The following CDC42SE2 variants were observed in gnomAD, a reference collection of about 807,000 sequenced individuals.
The protein encoded by CDC42SE2 is CDC42 small effector protein 2.
A neutral mutation model predicts 11.5 loss-of-function variants in CDC42SE2; 3 were observed. The observed-to-expected ratio is 0.26, with a 90% CI of 0.12 to 0.67. CDC42SE2 has a LOEUF of 0.67. CDC42SE2 is among the 30% of genes least tolerant of loss of function. The pLI is 0.80. For synonymous variants in CDC42SE2, 33 were observed against 34.8 expected, an observed-to-expected ratio of 0.95 and a Z score of 0.18; for missense variants, 82 against 106.8, an observed-to-expected ratio of 0.77 and a Z score of 1.02.
intron 2 of CDC42SE2, among the ~76,000 whole-genome samples, chr5:131,344,740 G>A (rs1758798475): frequency 6.6e-6 from 1 of 152,222 alleles, no homozygotes; most frequent in African/African-American, 2.4e-5. Flanking sequence ...CTAACTGGGA[G>A]ACACATCCCA....
chr5:131,364,092 C>T (rs975788823), intron 3 of CDC42SE2, among the ~76,000 whole-genome samples: 1 of 152,120 alleles, frequency 6.6e-6, no homozygotes, highest in Non-Finnish European at 1.5e-5. Context: ...GGTGAGATAA[C>T]AGTGAATACA....
intron 2 of CDC42SE2, among the ~76,000 whole-genome samples, chr5:131,337,917 G>A (rs146968852): frequency 0.026 from 3,946 of 152,272 alleles, 86 homozygotes; most frequent in Middle Eastern, 0.14. Context: ...TTGCACTTCC[G>A]GGGTGAGGCG....
At chr5:131,380,891 T>G (rs987864315) in intron 3 of CDC42SE2, among the ~76,000 whole-genome samples, 1 of 152,172 alleles carries the variant, frequency 6.6e-6, no homozygotes, top group Non-Finnish European at 1.5e-5. Flanking sequence ...CCCACCTCAG[T>G]CCCCTGCAGC....
At chr5:131,247,301 T>G (rs1756603362) in intron 1 of CDC42SE2, among the ~76,000 whole-genome samples, 1 of 152,144 alleles carries the variant, frequency 6.6e-6, no homozygotes. Flanking sequence ...CAGATTAAAA[T>G]AGAAATGCTG....
chr5:131,384,913 CAAAAAAA>C (rs34252680), intron 3 of CDC42SE2, among the ~76,000 whole-genome samples: 2 of 72,084 alleles, frequency 2.8e-5, no homozygotes, highest in Non-Finnish European at 6.1e-5. Flanking sequence ...GACTCCATCT[CAAAAAAA>C]AAAAAAAAAA....
intron 3 of CDC42SE2, among the ~76,000 whole-genome samples, chr5:131,363,133 ACT>A (rs1431999400): frequency 2.6e-5 from 4 of 151,470 alleles, no homozygotes; most frequent in Non-Finnish European, 5.9e-5. Context: ...ACAGGGCAAG[ACT>A]CTATCTAAAA....
At position 131,391,154 on chromosome 5, in the gene CDC42SE2, C is replaced by T; in HGVS notation, c.*63C>T. On this transcript the variant is annotated 3_prime_UTR_variant, in exon 5 of 5. Transcript: ENST00000505065. ...TCTGGACCTGACGGCCAGACATGGC[C>T]AGGCCAATAATAGTAAATATATGTA... 9.0e-7 allele frequency: 1 copy of T among 1,110,744 alleles called. No individual in the cohort carries two copies. Among genetic ancestry groups the T allele is most frequent in the Non-Finnish European group, 1.3e-6 (1 of 746,856 alleles). 68.8% of individuals were successfully genotyped at this position (1,110,744 alleles called of 1,614,324 possible). A position where few individuals can be genotyped will look rare whatever the true frequency, so the allele number is the denominator to read the frequency against.
intron 1 of CDC42SE2, among the ~76,000 whole-genome samples, chr5:131,291,815 T>C (rs538235008): frequency 6.6e-6 from 1 of 152,314 alleles, no homozygotes; most frequent in South Asian, 2.1e-4. Context: ...GATGGTTTCT[T>C]TGGTAAGTTA....
chr5:131,235,252 C>A, the CDC42SE2 span, among the ~76,000 whole-genome samples: 42 of 151,772 alleles, frequency 2.8e-4, no homozygotes, highest in East Asian at 6.6e-3. Context: ...GATTCAAATG[C>A]TAATCTCTTC....
chr5:131,333,642 T>C (rs1304229805), intron 2 of CDC42SE2, among the ~76,000 whole-genome samples: 2 of 152,202 alleles, frequency 1.3e-5, no homozygotes, highest in South Asian at 2.1e-4. Flanking sequence ...TTTTATTTCA[T>C]TGAGCAATGG....
intron 1 of CDC42SE2, among the ~76,000 whole-genome samples, chr5:131,272,339 A>T (rs1423737289): frequency 1.3e-5 from 2 of 152,074 alleles, no homozygotes; most frequent in Non-Finnish European, 2.9e-5. Flanking sequence ...CTGTAATCCT[A>T]GTACGTTTCC....
chr5:131,313,995 A>C (rs1036167063), intron 1 of CDC42SE2, among the ~76,000 whole-genome samples: 1 of 151,778 alleles, frequency 6.6e-6, no homozygotes, highest in African/African-American at 2.4e-5. Flanking sequence ...GCCCGACTAA[A>C]CTGTAGGATT....
the CDC42SE2 span, among the ~76,000 whole-genome samples, chr5:131,235,041 A>G: frequency 2.6e-5 from 4 of 151,488 alleles, no homozygotes; most frequent in Non-Finnish European, 4.4e-5. Flanking sequence ...GGCACCCGCC[A>G]CCACACCTGG....
chr5:131,360,608 T>C (rs1749679741), intron 3 of CDC42SE2, among the ~76,000 whole-genome samples: 2 of 152,232 alleles, frequency 1.3e-5, no homozygotes, highest in African/African-American at 2.4e-5. Context: ...TTGAATTATT[T>C]ATGGGTCTTC....
the CDC42SE2 span, among the ~76,000 whole-genome samples, chr5:131,236,063 C>T: frequency 2.0e-5 from 3 of 152,134 alleles, no homozygotes; most frequent in Non-Finnish European, 4.4e-5. Context: ...CACTTCACAT[C>T]GTATGTCCTT....
intron 2 of CDC42SE2, among the ~76,000 whole-genome samples, chr5:131,332,812 G>A (rs1462881079): frequency 6.6e-6 from 1 of 152,134 alleles, no homozygotes. Flanking sequence ...TTTTGATGGG[G>A]TTGTTTGTTT....
chr5:131,389,824 G>T (rs7704947), intron 4 of CDC42SE2, among the ~76,000 whole-genome samples: 3,364 of 152,204 alleles, frequency 0.022, 124 homozygotes, highest in African/African-American at 0.076. Flanking sequence ...CACATTGCTA[G>T]TGCTCTCTCT....
intron 1 of CDC42SE2, among the ~76,000 whole-genome samples, chr5:131,248,767 T>C (rs563449214): frequency 2.6e-5 from 4 of 152,086 alleles, no homozygotes; most frequent in Non-Finnish European, 5.9e-5. Flanking sequence ...CAAGACCTCT[T>C]TACGGAAAAT....
At chr5:131,264,393 G>C (rs915888062) in intron 1 of CDC42SE2, among the ~76,000 whole-genome samples, 3 of 152,134 alleles carry the variant, frequency 2.0e-5, no homozygotes, top group African/African-American at 7.2e-5. Context: ...TTTTTCTTCT[G>C]TTTCCTCTGA....
Sources: gnomAD v4.1 joint callset for allele counts (sites outside exome capture counted in the v4.1 genomes callset) on GRCh38, gnomAD v4.1.1 for gene constraint, MANE v1.5 for transcripts, NCBI Gene and HGNC (gene_info 2026-07-23, HGNC 2026-07-21) for gene names.